The following HERC3 variants were observed in gnomAD, a reference collection of about 807,000 sequenced individuals.
The protein encoded by HERC3 is HECT and RLD domain containing E3 ubiquitin protein ligase 3, also known as probable E3 ubiquitin-protein ligase HERC3.
In HERC3, 58 loss-of-function variants were observed where a neutral mutation model predicts 129.9. That is an observed-to-expected ratio of 0.45 (90% CI 0.36 to 0.56). HERC3 has a LOEUF of 0.56. HERC3 is among the 20% of genes least tolerant of loss of function. The pLI is 0.00. For synonymous variants in HERC3, 430 were observed against 451.0 expected (o/e 0.95, Z 0.59); for missense variants, 835 against 1,244.2 (o/e 0.67, Z 4.95).
At chr4:88,670,393 G>C (rs554639202) in intron 16 of HERC3, 141 bp downstream of exon 16, 4 of 615,818 alleles carry the variant, frequency 6.5e-6, no homozygotes, top group African/African-American at 1.8e-5. Context: ...CTAGAAACTT[G>C]GAAGTGCTTT....
the HERC3 span, among the ~76,000 whole-genome samples, chr4:88,545,027 G>A: frequency 6.6e-6 from 1 of 152,042 alleles, no homozygotes; most frequent in Non-Finnish European, 1.5e-5. Context: ...TTGTGCACAC[G>A]TACCCTAGAA....
chr4:88,574,617 G>A, the HERC3 span, among the ~76,000 whole-genome samples: 1 of 152,098 alleles, frequency 6.6e-6, no homozygotes, highest in Non-Finnish European at 1.5e-5. Flanking sequence ...CAATCATTCT[G>A]CTGTCTTTAT....
chr4:88,619,445 A>G (rs114788438), intron 3 of HERC3, among the ~76,000 whole-genome samples: 1,662 of 152,356 alleles, frequency 0.011, 34 homozygotes, highest in African/African-American at 0.036. Flanking sequence ...ATACAGAACT[A>G]GACTCCCTAC....
At chr4:88,623,961 C>T (rs1212947333) in intron 3 of HERC3, among the ~76,000 whole-genome samples, 1 of 152,186 alleles carries the variant, frequency 6.6e-6, no homozygotes, top group Non-Finnish European at 1.5e-5. Flanking sequence ...ACATCCACAC[C>T]AACTGTTTTG....
At chr4:88,532,738 G>A in the HERC3 span, among the ~76,000 whole-genome samples, 1 of 152,084 alleles carries the variant, frequency 6.6e-6, no homozygotes, top group African/African-American at 2.4e-5. Context: ...AAGAGTAGAA[G>A]TACTAACAAG....
intron 6 of HERC3, among the ~76,000 whole-genome samples, chr4:88,653,536 G>T (rs2149274543): frequency 1.3e-5 from 2 of 152,274 alleles, no homozygotes; most frequent in Non-Finnish European, 1.5e-5. Context: ...GTTATGCAGG[G>T]CCCTGAGGGG....
intron 3 of HERC3, among the ~76,000 whole-genome samples, chr4:88,645,782 T>A (rs968744616): frequency 2.6e-5 from 4 of 152,090 alleles, no homozygotes. Flanking sequence ...TTCTGGAAAT[T>A]TCCACTTAAT....
the HERC3 span, among the ~76,000 whole-genome samples, chr4:88,551,594 A>G: frequency 6.6e-6 from 1 of 151,938 alleles, no homozygotes; most frequent in African/African-American, 2.4e-5. Context: ...ATACCATCTC[A>G]CACCAGTTAG....
At chr4:88,571,136 G>A in the HERC3 span, among the ~76,000 whole-genome samples, 4 of 151,990 alleles carry the variant, frequency 2.6e-5, no homozygotes, top group East Asian at 5.8e-4. Flanking sequence ...AGGTGCCATC[G>A]TAGTGCACTA....
upstream of HERC3, among the ~76,000 whole-genome samples, chr4:88,591,597 G>A (rs530538713): frequency 6.6e-6 from 1 of 152,088 alleles, no homozygotes; most frequent in South Asian, 2.1e-4. Context: ...ACATTTAAGG[G>A]GGGCAGACAC....
intron 10 of HERC3, 45 bp from the exon 11 acceptor site, chr4:88,662,386 A>C (rs1385869592): frequency 1.9e-6 from 3 of 1,562,396 alleles, no homozygotes; most frequent in Non-Finnish European, 2.6e-6. Flanking sequence ...GACAAGATCC[A>C]TGCTACATAA....
In HERC3 at chr4:88,658,043, C is replaced by T. The variant is rs1180136442; in HGVS notation, c.1070-372C>T. ...ACGGAGGTCCTTCCGTGGCAAGATT[C>T]GTCCTGACGGGGCCTGGGCCCACCA... On this transcript the variant is annotated intron_variant, in intron 9 of 25. Transcript: ENST00000402738. Among the ~76,000 whole-genome samples the T allele has an allele frequency of 4.6e-5, 7 of 152,288 alleles. No individual in the cohort carries two copies. In the East Asian group the frequency reaches 5.8e-4, roughly 13 times the overall value.
At position 88,654,261 on chromosome 4, in the gene HERC3, A is replaced by G. The variant is rs947812682; in HGVS notation, c.777+128A>G. On this transcript the variant is annotated intron_variant, in intron 7 of 25. Coordinates refer to ENST00000402738, the MANE Select transcript of HERC3 (RefSeq NM_014606.3). ...GGCTTGAACTTGAATGCTCTCTTTT[A>G]TGTGGGTTTGTTGTTTTCCAAAGGA... 5.8e-6 allele frequency: 3 copies of G among 518,674 alleles called. No homozygotes were observed. The African/African-American group carries it at 5.9e-5, about 10-fold the overall frequency. The allele number at this position is 518,674 out of a possible 1,614,324, so 32.1% of individuals were successfully genotyped here. A position where few individuals can be genotyped will look rare whatever the true frequency, so the allele number is the denominator to read the frequency against.
At chr4:88,675,334 T>C (rs1732045494) in intron 16 of HERC3, among the ~76,000 whole-genome samples, 1 of 152,234 alleles carries the variant, frequency 6.6e-6, no homozygotes, top group Non-Finnish European at 1.5e-5. Context: ...GACGATTAAA[T>C]AATAACATGA....
chr4:88,589,522 T>C (rs967691574), upstream of HERC3, among the ~76,000 whole-genome samples: 8 of 152,260 alleles, frequency 5.3e-5, no homozygotes, highest in Non-Finnish European at 8.8e-5. Flanking sequence ...CTGTTTTGCT[T>C]ACCAATGTAT....
Position 88,667,390 on chromosome 4 carries a change from T to G in HERC3, c.1345T>G (p.Phe449Val), listed in dbSNP as rs752932284. ...SFLEKKIDEH[F>V]KTSPKIPGID... ...TTGTTTGTTTAGAATTGATGAACAT[T>G]TTAAAACGAGTCCCAAAATCCCTGG... Residue 449 changes from phenylalanine to valine, a missense_variant, in exon 13 of 26, where the codon TTT becomes GTT. Coordinates refer to ENST00000402738, the MANE Select transcript of HERC3 (RefSeq NM_014606.3). 6.3e-7 allele frequency: 1 copy of G among 1,595,876 alleles called. No homozygotes were observed.
chr4:88,607,924 T>G (rs72663447), intron 3 of HERC3, among the ~76,000 whole-genome samples: 88 of 152,366 alleles, frequency 5.8e-4, no homozygotes, highest in Non-Finnish European at 1.1e-3. Flanking sequence ...TTTGTCACAC[T>G]AGCATAGGTG....
At chr4:88,629,830 T>G (rs575538983) in intron 3 of HERC3, among the ~76,000 whole-genome samples, 1 of 152,204 alleles carries the variant, frequency 6.6e-6, no homozygotes, top group Non-Finnish European at 1.5e-5. Flanking sequence ...AATATGGAGA[T>G]TTTTTACATA....
At chr4:88,664,302 A>T in intron 12 of HERC3, 90 bp downstream of exon 12, 1 of 1,094,458 alleles carries the variant, frequency 9.1e-7, no homozygotes, top group Non-Finnish European at 1.4e-6. Context: ...GCTTGAGTTT[A>T]GGAGTTTGGG....
Sources: allele counts gnomAD v4.1 joint callset (sites outside exome capture counted in the v4.1 genomes callset), GRCh38; gene constraint gnomAD v4.1.1; transcripts MANE v1.5; gene names NCBI Gene and HGNC (gene_info 2026-07-23, HGNC 2026-07-21).